CDK1: variants seen among roughly 807,000 people sequenced by gnomAD.
CDK1 encodes the protein cyclin-dependent kinase 1.
In CDK1, 5 loss-of-function variants were observed where a neutral mutation model predicts 34.6. The ratio of observed to expected loss-of-function variants is 0.14; its 90% CI spans 0.08 to 0.30. The LOEUF (loss-of-function observed/expected upper bound fraction) is 0.30. Ranked by LOEUF, CDK1 falls within the 10% of genes least tolerant of loss-of-function variation. The pLI is 1.00. For synonymous variants in CDK1, 108 were observed against 114.7 expected (o/e 0.94, Z 0.37); for missense variants, 157 against 345.7 (o/e 0.45, Z 4.33).
chr10:60,787,917 A>T (rs1451403902), intron 4 of CDK1, 143 bp from the exon 5 acceptor site: 1 of 457,914 alleles, frequency 2.2e-6, no homozygotes, highest in South Asian at 5.3e-5. Context: ...CTTCCCACCC[A>T]CAAATGCTTA....
intron 5 of CDK1, 58 bp from the exon 6 acceptor site, chr10:60,791,806 CAGCCCTAATAAAAATATAAATGTTTA>C: frequency 1.5e-6 from 1 of 670,080 alleles, no homozygotes; most frequent in Non-Finnish European, 2.5e-6. Context: ...CTTTAAAGGA[CAGCCCTAATAAAAATATAAATGTTTA>C]AGTGTAGGTA....
chr10:60,785,649 A>AT lies in CDK1; in HGVS notation c.195-7dup, dbSNP rs780782626. 3.9e-5 allele frequency: 59 copies of AT among 1,522,378 alleles called. No homozygotes were observed. Among genetic ancestry groups the AT allele is most frequent in the Middle Eastern group, 1.7e-4 (1 of 5,780 alleles). The allele number at this position is 1,522,378 out of a possible 1,614,324, so 94.3% of individuals were successfully genotyped here. On this transcript the variant is annotated splice_polypyrimidine_tract_variant and intron_variant, in intron 3 of 7. Coordinates refer to ENST00000395284, the MANE Select transcript of CDK1 (RefSeq NM_001786.5). ...TGTTTGCTGGATTCTTCTCTCATAT[A>AT]TTTTTTTTCCCCAGTCTTCAGGATG...
chr10:60,788,188 T>C lies in CDK1; in HGVS notation c.447T>C (p.Leu149=). The C allele has an allele frequency of 6.2e-7, 1 of 1,611,752 alleles. No homozygotes were observed. The change falls in exon 5 of 8, where the codon CTT becomes CTC. Residue 149 remains leucine (L), a synonymous_variant. Transcript: ENST00000395284. ...CAATTAAACTGGCTGATTTTGGCCT[T>C]GCCAGAGCTTTTGGAATACCTATCA... is the stretch of plus-strand genomic sequence containing the variant. ...KGTIKLADFG[L]ARAFGIPIRV... is the part of the protein sequence containing the mutation.
chr10:60,786,219 A>G (rs1414419841), intron 4 of CDK1: 15 of 920,170 alleles, frequency 1.6e-5, no homozygotes, highest in Non-Finnish European at 1.8e-5. Context: ...TGAAGTATAT[A>G]AAAGTGTCTT....
rs1192920163 is a variant in CDK1 at position 60,794,136 on chromosome 10, A to G, written c.*161A>G. The G allele has an allele frequency of 4.4e-6, 2 of 454,964 alleles. No homozygotes were observed. The highest frequency in any genetic ancestry group is 7.7e-6 in the Non-Finnish European group (2 of 258,990). The allele number at this position is 454,964 out of a possible 1,614,324, so 28.2% of individuals were successfully genotyped here. On this transcript the variant is annotated 3_prime_UTR_variant, in exon 8 of 8. Transcript: ENST00000395284. ...TATAACTTAAAAATGTAAATATTCTATATGAATTTAAATATAATTCTGTAA... is the reference window on the plus strand; with the variant it reads ...TATAACTTAAAAATGTAAATATTCTGTATGAATTTAAATATAATTCTGTAA...
chr10:60,780,299 A>G (rs552563435), intron 2 of CDK1, 97 bp downstream of exon 2: 4 of 747,540 alleles, frequency 5.4e-6, no homozygotes, highest in African/African-American at 5.3e-5. Flanking sequence ...AAATTCAACC[A>G]TTAAGTTGTC....
At chr10:60,793,756 A>G (rs1471993657) in intron 7 of CDK1, 121 bp from the exon 8 acceptor site, 4 of 588,632 alleles carry the variant, frequency 6.8e-6, no homozygotes, top group African/African-American at 2.0e-5. Flanking sequence ...TGCTCATTTA[A>G]TAGATATTCA....
At chr10:60,791,810 C>A in intron 5 of CDK1, 80 bp from the exon 6 acceptor site, 1 of 700,852 alleles carries the variant, frequency 1.4e-6, no homozygotes, top group Non-Finnish European at 2.4e-6. Flanking sequence ...AAAGGACAGC[C>A]CTAATAAAAA....
At chr10:60,792,329 G>A (rs891732897) in intron 7 of CDK1, 40 bp downstream of exon 7, 1 of 1,537,980 alleles carries the variant, frequency 6.5e-7, no homozygotes, top group Middle Eastern at 1.7e-4. Context: ...AATTATTGAT[G>A]ATTCTGAATA....
chr10:60,780,057 A>G (rs1467643249), intron 1 of CDK1, 84 bp from the exon 2 acceptor site: 2 of 718,000 alleles, frequency 2.8e-6, no homozygotes, highest in Admixed American at 4.5e-5. Flanking sequence ...ACTGTGGAAA[A>G]TGCTTTACAT....
chr10:60,783,828 A>G (rs1435069544), intron 2 of CDK1, among the ~76,000 whole-genome samples: 1 of 152,110 alleles, frequency 6.6e-6, no homozygotes, highest in Non-Finnish European at 1.5e-5. Flanking sequence ...CAACTTGCAA[A>G]TGGGTGTGAG....
At chr10:60,790,983 T>G (rs1281088621) in intron 5 of CDK1, among the ~76,000 whole-genome samples, 4 of 152,194 alleles carry the variant, frequency 2.6e-5, no homozygotes. Flanking sequence ...CTTTGTTGTT[T>G]TTGCTCAAGA....
chr10:60,780,023 TG>T, intron 1 of CDK1, 117 bp from the exon 2 acceptor site: 1 of 655,956 alleles, frequency 1.5e-6, no homozygotes. Context: ...TTAATATTTA[TG>T]GAATACTTAT....
intron 1 of CDK1, among the ~76,000 whole-genome samples, chr10:60,779,211 T>C (rs2080251260): frequency 6.6e-6 from 1 of 152,242 alleles, no homozygotes; most frequent in African/African-American, 2.4e-5. Context: ...TCTTTCTGGA[T>C]TGATTTTTCT....
chr10:60,784,942 G>C, intron 3 of CDK1, 81 bp downstream of exon 3: 1 of 1,355,664 alleles, frequency 7.4e-7, no homozygotes, highest in Non-Finnish European at 1.0e-6. Flanking sequence ...CTTTACATTT[G>C]CTCAATTTCT....
At chr10:60,780,819 C>T (rs568816435) in intron 2 of CDK1, among the ~76,000 whole-genome samples, 4 of 152,170 alleles carry the variant, frequency 2.6e-5, no homozygotes, top group South Asian at 4.1e-4. Context: ...GCCTGTTCCT[C>T]GACTCCAGCA....
At chr10:60,783,854 A>C (rs549738287) in intron 2 of CDK1, among the ~76,000 whole-genome samples, 1 of 150,616 alleles carries the variant, frequency 6.6e-6, no homozygotes, top group Non-Finnish European at 1.5e-5. Context: ...CCTAATATGT[A>C]GTACATACAA....
At position 60,787,883 on chromosome 10, in the gene CDK1, A is replaced by C. The variant is rs2080329397; in HGVS notation, c.319-177A>C. On this transcript the variant is annotated intron_variant, in intron 4 of 7. Coordinates refer to ENST00000395284, the MANE Select transcript of CDK1 (RefSeq NM_001786.5). ...TGAAGATTCTTTTCTTAGGTATACAAATGTGATGTTGTATATAAATGGGCT... is the reference window on the plus strand; with the variant it reads ...TGAAGATTCTTTTCTTAGGTATACACATGTGATGTTGTATATAAATGGGCT... 1.0e-5 allele frequency: 4 copies of C among 388,570 alleles called. No homozygotes were observed. The East Asian group carries it at 1.5e-4, about 14-fold the overall frequency. The allele number at this position is 388,570 out of a possible 1,614,324, so 24.1% of individuals were successfully genotyped here.
Position 60,781,277 on chromosome 10 carries a change from G to A in CDK1, c.37+1075G>A, listed in dbSNP as rs3213032. On this transcript the variant is annotated intron_variant, in intron 2 of 7. Transcript: ENST00000395284. ...TAGAACTCCAAACATACAGGAGACT[G>A]CAGATTTGACTTCTGAGAAAAGTAC... Among the ~76,000 whole-genome samples the A allele has an allele frequency of 4.0e-3, 613 of 152,230 alleles. 21 individuals are homozygous for A. The East Asian group carries it at 0.094, about 23-fold the overall frequency.
Sources: allele counts gnomAD v4.1 joint callset (sites outside exome capture counted in the v4.1 genomes callset), GRCh38; gene constraint gnomAD v4.1.1; transcripts MANE v1.5; gene names NCBI Gene and HGNC (gene_info 2026-07-23, HGNC 2026-07-21).